The following PSD3 variants were observed in gnomAD, a reference collection of about 807,000 sequenced individuals.
PSD3 encodes the protein PH and SEC7 domain-containing protein 3.
A neutral mutation model predicts 105.5 loss-of-function variants in PSD3; 49 were observed. The observed-to-expected ratio is 0.46, with a 90% CI of 0.37 to 0.59. PSD3 has a LOEUF of 0.59. Among genes scored for constraint, PSD3 ranks in the 20% least tolerant of loss-of-function variants. PSD3 has a pLI of 0.00. For missense variants in PSD3, 1,561 were observed against 1,263.8 expected (o/e 1.24, Z -3.57); for synonymous variants, 557 against 457.8 (o/e 1.22, Z -2.77).
In PSD3 at chr8:18,572,517, A is replaced by G. The variant is rs1410542976; in HGVS notation, c.2784+11T>C. 6.2e-7 allele frequency: 1 copy of G among 1,613,224 alleles called. No individual in the cohort carries two copies. Among genetic ancestry groups the G allele is most frequent in the Non-Finnish European group, 8.5e-7 (1 of 1,179,408 alleles). ...TTTTTCCCAAGGTCAAAGCACTATC[A>G]AGATGATTACCTGAGACAGTTTTGT... On this transcript the variant is annotated intron_variant, in intron 14 of 15. Coordinates refer to ENST00000327040, the MANE Select transcript of PSD3 (RefSeq NM_015310.4).
chr8:18,945,572 T>C (rs1025439781), intron 1 of PSD3, among the ~76,000 whole-genome samples: 9 of 152,252 alleles, frequency 5.9e-5, no homozygotes, highest in African/African-American at 1.7e-4. Context: ...GCCACCAAGT[T>C]TGTGATACTT....
In PSD3 at chr8:19,055,563, C is replaced by CT. The variant is rs34398292; in HGVS notation, c.324+28642dup. ...CCACCGTGCCCGGCCGATTTGTAGA[C>CT]TTTTTTTTCACTGGTCTGCATCATT... On this transcript the variant is annotated intron_variant, in intron 1 of 1. Transcript: ENST00000521475. Among the ~76,000 whole-genome samples the CT allele has an allele frequency of 1.9e-3, 291 of 152,174 alleles. 4 individuals are homozygous for CT. In the East Asian group the frequency reaches 0.04, roughly 21 times the overall value.
In PSD3 at chr8:18,622,151, C is replaced by T. The variant is rs140147728; in HGVS notation, c.2410+10462G>A. Reference sequence around the variant, plus strand: ...ACATAGTTCTCACCTCCTTAAAAAGCGATGAATATTTTAATATTTCAAATT... The same window carrying T: ...ACATAGTTCTCACCTCCTTAAAAAGTGATGAATATTTTAATATTTCAAATT... On this transcript the variant is annotated intron_variant, in intron 11 of 15. Coordinates refer to ENST00000327040, the MANE Select transcript of PSD3 (RefSeq NM_015310.4). Among the ~76,000 whole-genome samples, 23 of 152,192 alleles carry T rather than the reference C, an allele frequency of 1.5e-4. No homozygotes were observed. The East Asian group carries it at 3.7e-3, about 24-fold the overall frequency.
chr8:18,930,042 T>C (rs758701679), intron 2 of PSD3, among the ~76,000 whole-genome samples: 3 of 152,154 alleles, frequency 2.0e-5, no homozygotes, highest in Non-Finnish European at 4.4e-5. Context: ...AACCAACACC[T>C]ATCTAATAGG....
At chr8:18,854,574 ATTTGG>A (rs1316592952) in intron 4 of PSD3, among the ~76,000 whole-genome samples, 2 of 152,228 alleles carry the variant, frequency 1.3e-5, no homozygotes, top group African/African-American at 4.8e-5. Context: ...TTTGCCACTG[ATTTGG>A]TTTAATAGCA....
At chr8:18,931,021 T>C (rs1307883957) in intron 2 of PSD3, among the ~76,000 whole-genome samples, 1 of 152,214 alleles carries the variant, frequency 6.6e-6, no homozygotes, top group Non-Finnish European at 1.5e-5. Flanking sequence ...TGGTTTTCAT[T>C]TCCATTTCCC....
At chr8:18,709,474 C>T (rs186937006) in intron 9 of PSD3, among the ~76,000 whole-genome samples, 9 of 152,364 alleles carry the variant, frequency 5.9e-5, no homozygotes, top group Admixed American at 2.6e-4. Flanking sequence ...GCCCACTGCA[C>T]CTGTTCTGCC....
intron 9 of PSD3, among the ~76,000 whole-genome samples, chr8:18,741,116 C>A (rs1042065333): frequency 2.6e-5 from 4 of 152,046 alleles, no homozygotes; most frequent in South Asian, 2.1e-4. Flanking sequence ...TTAGAAAACA[C>A]AACACTGAGT....
intron 1 of PSD3, among the ~76,000 whole-genome samples, chr8:19,068,396 C>T (rs982940965): frequency 3.3e-5 from 5 of 151,938 alleles, no homozygotes; most frequent in African/African-American, 1.2e-4. Context: ...CTTGAGAGAT[C>T]CTCCTGCCCC....
At chr8:18,652,744 C>T (rs1169185084) in intron 10 of PSD3, among the ~76,000 whole-genome samples, 1 of 152,050 alleles carries the variant, frequency 6.6e-6, no homozygotes, top group African/African-American at 2.4e-5. Flanking sequence ...GTGATCCAGG[C>T]TCCTCAGCCT....
chr8:18,798,145 C>A (rs1157369518), intron 8 of PSD3, among the ~76,000 whole-genome samples: 1 of 152,084 alleles, frequency 6.6e-6, no homozygotes, highest in Non-Finnish European at 1.5e-5. Context: ...CTGTGAAATG[C>A]CTGCATTTCC....
At position 18,575,164 on chromosome 8, in the gene PSD3, T is replaced by C. The variant is rs1266869160; in HGVS notation, c.2603A>G (p.Lys868Arg). ...YEKKPNVFKL[K>R]TADWRVLLFQ... ...AAGCAAGACCCTCCAGTCGGCAGTT[T>C]TAAGTTTAAACACGTTTGGTTTCTT... The change falls in exon 13 of 16, where the codon AAA becomes AGA. Residue 868 changes from lysine to arginine, a missense_variant. By Grantham distance (26) the Lys-to-Arg change is conservative (BLOSUM62 2). Coordinates refer to ENST00000327040, the MANE Select transcript of PSD3 (RefSeq NM_015310.4). The C allele has an allele frequency of 1.2e-6, 2 of 1,613,704 alleles. No individual in the cohort carries two copies.
intron 15 of PSD3, among the ~76,000 whole-genome samples, chr8:18,541,667 G>A (rs1800156800): frequency 6.6e-6 from 1 of 152,086 alleles, no homozygotes; most frequent in African/African-American, 2.4e-5. Flanking sequence ...GCTTAGGACT[G>A]GGGCTTTTTC....
intron 4 of PSD3, among the ~76,000 whole-genome samples, chr8:18,838,802 A>AAATAATAATAAT (rs55792203): frequency 3.0e-4 from 39 of 131,860 alleles, no homozygotes; most frequent in East Asian, 2.2e-4. Context: ...ACTCCGTCTC[A>AAATAATAATAAT]AATAATAATA....
chr8:18,955,502 T>C (rs1490090688), intron 1 of PSD3, among the ~76,000 whole-genome samples: 1 of 152,194 alleles, frequency 6.6e-6, no homozygotes, highest in Non-Finnish European at 1.5e-5. Flanking sequence ...TGCATAACAA[T>C]TATTCATTTA....
intron 2 of PSD3, among the ~76,000 whole-genome samples, chr8:18,886,193 G>A (rs977976133): frequency 6.6e-6 from 1 of 150,538 alleles, no homozygotes. Flanking sequence ...AAGCTTGTGG[G>A]GAAAAAAAAA....
chr8:18,957,233 T>C (rs1376584521), intron 1 of PSD3, among the ~76,000 whole-genome samples: 2 of 151,870 alleles, frequency 1.3e-5, no homozygotes, highest in African/African-American at 4.8e-5. Context: ...TAGCTGGGCA[T>C]GGTGGCGCGC....
Position 18,838,788 on chromosome 8 carries a change from C to T in PSD3, c.1634+28886G>A, listed in dbSNP as rs868593428. Among the ~76,000 whole-genome samples, 209 of 146,792 alleles carry T rather than the reference C, an allele frequency of 1.4e-3. 2 individuals are homozygous for T. The highest frequency in any genetic ancestry group is 3.9e-3 in the African/African-American group (157 of 39,790). The stretch of plus-strand genomic sequence containing the variant: ...CTGCACTCCAGCCTGGGTGACAGAG[C>T]GAGACTCCGTCTCAAATAATAATAA... On this transcript the variant is annotated intron_variant, in intron 4 of 15. Coordinates refer to ENST00000327040, the MANE Select transcript of PSD3 (RefSeq NM_015310.4).
chr8:18,557,781 T>G (rs1801167364), intron 14 of PSD3, among the ~76,000 whole-genome samples: 1 of 152,200 alleles, frequency 6.6e-6, no homozygotes, highest in South Asian at 2.1e-4. Flanking sequence ...CTGATAATGC[T>G]GAAAGTCAAA....
Sources: gnomAD v4.1 joint callset for allele counts (sites outside exome capture counted in the v4.1 genomes callset) on GRCh38, gnomAD v4.1.1 for gene constraint, MANE v1.5 for transcripts, NCBI Gene and HGNC (gene_info 2026-07-23, HGNC 2026-07-21) for gene names.